STXBP5L: variants seen among roughly 807,000 people sequenced by gnomAD.
The protein encoded by STXBP5L is syntaxin binding protein 5L.
In STXBP5L, 65 loss-of-function variants were observed where a neutral mutation model predicts 144.5. The ratio of observed to expected loss-of-function variants is 0.45; its 90% CI spans 0.37 to 0.55. The LOEUF (loss-of-function observed/expected upper bound fraction) is 0.55. Ranked by LOEUF, STXBP5L falls within the 20% of genes least tolerant of loss-of-function variation. The probability of loss-of-function intolerance (pLI) is 0.00; values close to 1 mark genes in which losing one functional copy is unlikely to be tolerated. For synonymous variants in STXBP5L, 505 were observed against 469.6 expected (o/e 1.08, Z -0.97); for missense variants, 1,298 against 1,405.5 (o/e 0.92, Z 1.22).
intron 3 of STXBP5L, among the ~76,000 whole-genome samples, chr3:121,012,414 G>A (rs561427211): frequency 6.6e-6 from 1 of 151,746 alleles, no homozygotes; most frequent in East Asian, 1.9e-4. Context: ...AGGTTGCATG[G>A]TTTCACATTC....
At chr3:121,297,312 C>CA (rs1339278681) in intron 19 of STXBP5L, among the ~76,000 whole-genome samples, 2 of 151,694 alleles carry the variant, frequency 1.3e-5, no homozygotes, top group Non-Finnish European at 2.9e-5. Flanking sequence ...GTACACAGAT[C>CA]ATACCATCAG....
At chr3:121,014,459 A>G (rs545315141) in intron 3 of STXBP5L, among the ~76,000 whole-genome samples, 1 of 152,114 alleles carries the variant, frequency 6.6e-6, no homozygotes, top group East Asian at 1.9e-4. Context: ...ATAATGATTT[A>G]ATCTTGTAGT....
At chr3:121,024,826 A>G (rs1232567747) in intron 3 of STXBP5L, among the ~76,000 whole-genome samples, 1 of 152,208 alleles carries the variant, frequency 6.6e-6, no homozygotes. Flanking sequence ...TAAAGACAAC[A>G]AAAATAGTGC....
At chr3:121,192,877 A>C (rs571998641) in intron 9 of STXBP5L, among the ~76,000 whole-genome samples, 9 of 152,314 alleles carry the variant, frequency 5.9e-5, no homozygotes, top group African/African-American at 1.9e-4. Context: ...CCCTAGAAGA[A>C]AACCTAGGCA....
intron 19 of STXBP5L, among the ~76,000 whole-genome samples, chr3:121,299,710 G>A (rs1381392200): frequency 1.3e-5 from 2 of 151,988 alleles, no homozygotes; most frequent in Non-Finnish European, 1.5e-5. Context: ...AAAAAGGCCA[G>A]GCATGGTGGT....
intron 11 of STXBP5L, among the ~76,000 whole-genome samples, chr3:121,227,422 T>C (rs1326643247): frequency 6.6e-6 from 1 of 151,956 alleles, no homozygotes; most frequent in African/African-American, 2.4e-5. Flanking sequence ...CTACTAAAAG[T>C]CAAAAAAATT....
In STXBP5L at chr3:121,422,908, CT is replaced by C. The variant is rs2047382656; in HGVS notation, c.*3814del. 1 of 151,902 alleles carries C rather than the reference CT, an allele frequency of 6.6e-6. No individual in the cohort carries two copies. The highest frequency in any genetic ancestry group is 6.6e-5 in the Admixed American group (1 of 15,236). The allele number at this position is 151,902 out of a possible 1,614,324, so 9.4% of individuals were successfully genotyped here. On this transcript the variant is annotated 3_prime_UTR_variant, in exon 27 of 27. Transcript: ENST00000471454. ...TATCTACATGAAGGGATCACCATGA[CT>C]TTGAGAGAAAAAAGAATCAGATTAG...
chr3:120,927,520 A>G (rs1709700933), intron 2 of STXBP5L, among the ~76,000 whole-genome samples: 1 of 152,152 alleles, frequency 6.6e-6, no homozygotes, highest in Non-Finnish European at 1.5e-5. Context: ...CTGTTAGGGA[A>G]CCCAAAATAT....
chr3:121,397,510 T>G (rs2046760199), intron 22 of STXBP5L, among the ~76,000 whole-genome samples: 1 of 152,206 alleles, frequency 6.6e-6, no homozygotes, highest in South Asian at 2.1e-4. Context: ...TGTTAATCAT[T>G]TTAAAGGTAT....
chr3:121,289,341 G>A (rs192345984), intron 19 of STXBP5L, among the ~76,000 whole-genome samples: 3 of 152,172 alleles, frequency 2.0e-5, no homozygotes, highest in South Asian at 2.1e-4. Context: ...CTAGTCCAAC[G>A]GGAAAATATA....
Position 121,244,847 on chromosome 3 carries a change from A to G in STXBP5L, c.1400+4340A>G, listed in dbSNP as rs1027666325. Among the ~76,000 whole-genome samples, 30 of 152,140 alleles carry G rather than the reference A, an allele frequency of 2.0e-4. 1 individual carries two copies. Among genetic ancestry groups the G allele is most frequent in the Non-Finnish European group, 4.4e-4 (30 of 68,008 alleles). On this transcript the variant is annotated intron_variant, in intron 14 of 26. Transcript: ENST00000471454. ...GCTATATTTGTCATAACCAACTTCA[A>G]AAATGAAGGAGCAATAAGACCTCCC...
chr3:121,086,995 G>C (rs538333670), intron 5 of STXBP5L, among the ~76,000 whole-genome samples: 8 of 151,844 alleles, frequency 5.3e-5, no homozygotes, highest in Non-Finnish European at 8.8e-5. Context: ...AGATTTTATT[G>C]TATCTTTCTT....
intron 18 of STXBP5L, among the ~76,000 whole-genome samples, chr3:121,279,015 A>G (rs2050968790): frequency 6.6e-6 from 1 of 151,820 alleles, no homozygotes. Context: ...ACAACATGGA[A>G]CGTACATAAA....
chr3:121,310,066 T>C (rs1463373738), intron 19 of STXBP5L, among the ~76,000 whole-genome samples: 1 of 152,102 alleles, frequency 6.6e-6, no homozygotes, highest in East Asian at 1.9e-4. Context: ...CCAATAAAAA[T>C]CAATGAAGAA....
chr3:121,137,271 A>G (rs1425650205), intron 7 of STXBP5L, among the ~76,000 whole-genome samples: 2 of 152,214 alleles, frequency 1.3e-5, no homozygotes, highest in Non-Finnish European at 2.9e-5. Flanking sequence ...TTTTTTAAAA[A>G]TATAAACAAA....
intron 3 of STXBP5L, among the ~76,000 whole-genome samples, chr3:120,999,570 G>T (rs1442773369): frequency 6.6e-6 from 1 of 151,872 alleles, no homozygotes; most frequent in African/African-American, 2.4e-5. Context: ...GCCCATTTAT[G>T]TTCAAGATTA....
intron 7 of STXBP5L, among the ~76,000 whole-genome samples, chr3:121,140,810 T>C (rs1382031895): frequency 2.0e-5 from 3 of 152,138 alleles, no homozygotes; most frequent in Admixed American, 2.0e-4. Context: ...CAGGAATAAA[T>C]TGTAAGATAT....
At chr3:121,101,673 G>A (rs186988839) in intron 5 of STXBP5L, among the ~76,000 whole-genome samples, 2 of 152,076 alleles carry the variant, frequency 1.3e-5, no homozygotes, top group East Asian at 1.9e-4. Flanking sequence ...GAACTGGAAC[G>A]AGACAAGGAT....
At chr3:121,041,646 C>G (rs182334870) in intron 3 of STXBP5L, 54 bp from the exon 4 acceptor site, 1 of 1,296,202 alleles carries the variant, frequency 7.7e-7, no homozygotes, top group Non-Finnish European at 1.1e-6. Flanking sequence ...TTTCTTTGCT[C>G]ATTAATATTG....
Sources: gnomAD v4.1 joint callset for allele counts (sites outside exome capture counted in the v4.1 genomes callset) on GRCh38, gnomAD v4.1.1 for gene constraint, MANE v1.5 for transcripts, NCBI Gene and HGNC (gene_info 2026-07-23, HGNC 2026-07-21) for gene names.